The following GYG1 variants were observed in gnomAD, a reference collection of about 807,000 sequenced individuals.
The protein encoded by GYG1 is glycogenin-1.
In GYG1, 44 loss-of-function variants were observed where a neutral mutation model predicts 41.9. That is an observed-to-expected ratio of 1.05 (90% CI 0.83 to 1.35). The LOEUF (loss-of-function observed/expected upper bound fraction) is 1.35. Among genes scored for constraint, GYG1 ranks in the 40% most tolerant of loss-of-function variants. The pLI is 0.00. For missense variants in GYG1, 429 were observed against 418.9 expected, an observed-to-expected ratio of 1.02 and a Z score of -0.21; for synonymous variants, 141 against 158.1, an observed-to-expected ratio of 0.89 and a Z score of 0.81.
intron 5 of GYG1, among the ~76,000 whole-genome samples, chr3:149,020,579 C>T (rs994862388): frequency 4.6e-5 from 7 of 152,164 alleles, no homozygotes; most frequent in African/African-American, 1.2e-4. Context: ...CCAATGCCTG[C>T]GACATATGAA....
chr3:149,020,242 G>A (rs1714292723), intron 5 of GYG1, among the ~76,000 whole-genome samples: 1 of 152,180 alleles, frequency 6.6e-6, no homozygotes, highest in Admixed American at 6.5e-5. Flanking sequence ...ACTTTCTGTT[G>A]CTGGGACCTT....
intron 5 of GYG1, among the ~76,000 whole-genome samples, chr3:149,016,438 GGA>G (rs1714048916): frequency 6.6e-6 from 1 of 152,144 alleles, no homozygotes; most frequent in Admixed American, 6.5e-5. Context: ...GCTGCCTCCA[GGA>G]GAGTCTCCCT....
intron 5 of GYG1, among the ~76,000 whole-genome samples, chr3:149,013,049 T>A (rs1040786139): frequency 4.2e-5 from 6 of 143,924 alleles, no homozygotes; most frequent in Admixed American, 2.1e-4. Flanking sequence ...GAGACACGGT[T>A]TTGCCATGTT....
rs1712586368 is a variant in GYG1 at position 148,993,182 on chromosome 3, A to C, written c.8-960A>C. Reference sequence around the variant, plus strand: ...GAATTGTCCCAGGGAATGACTGGAGAAATCTTGAAGCCTGTGCTAGGGGTC... The same window carrying C: ...GAATTGTCCCAGGGAATGACTGGAGCAATCTTGAAGCCTGTGCTAGGGGTC... On this transcript the variant is annotated intron_variant, in intron 1 of 7. Transcript: ENST00000345003. Among the ~76,000 whole-genome samples, 4 of 151,930 alleles carry C rather than the reference A, an allele frequency of 2.6e-5. No individual in the cohort carries two copies. The South Asian group carries it at 8.3e-4, about 32-fold the overall frequency.
chr3:148,998,864 ACCT>A (rs1712949507), intron 4 of GYG1, among the ~76,000 whole-genome samples: 1 of 152,066 alleles, frequency 6.6e-6, no homozygotes, highest in African/African-American at 2.4e-5. Flanking sequence ...AGCTTTCTTC[ACCT>A]CCTCTCCTAA....
intron 2 of GYG1, among the ~76,000 whole-genome samples, chr3:148,994,621 A>G (rs149576527): frequency 4.6e-5 from 7 of 152,318 alleles, no homozygotes; most frequent in African/African-American, 1.7e-4. Flanking sequence ...CACAGTCACA[A>G]TTCATGGACA....
intron 4 of GYG1, chr3:149,001,388 GT>G (rs1038384181): frequency 6.6e-6 from 1 of 152,164 alleles, no homozygotes; most frequent in Non-Finnish European, 1.5e-5. Flanking sequence ...GCACACGTAA[GT>G]TTTTTTAAGA....
At chr3:149,004,983 G>C (rs1048887669) in intron 4 of GYG1, among the ~76,000 whole-genome samples, 1 of 152,160 alleles carries the variant, frequency 6.6e-6, no homozygotes, top group African/African-American at 2.4e-5. Flanking sequence ...GCTCATGCAG[G>C]TCGGATTTGG....
intron 5 of GYG1, among the ~76,000 whole-genome samples, chr3:149,010,489 G>A (rs1046631490): frequency 1.1e-4 from 17 of 152,038 alleles, no homozygotes; most frequent in African/African-American, 3.1e-4. Flanking sequence ...ACTACACACG[G>A]CTAATTTTTG....
At chr3:149,009,855 G>T (rs550924745) in intron 5 of GYG1, among the ~76,000 whole-genome samples, 9 of 152,310 alleles carry the variant, frequency 5.9e-5, no homozygotes, top group Admixed American at 4.6e-4. Flanking sequence ...GCAGCAGTGT[G>T]CTGCTGTGGC....
At chr3:149,019,068 T>TAAAAA (rs67695680) in intron 5 of GYG1, among the ~76,000 whole-genome samples, 2 of 119,094 alleles carry the variant, frequency 1.7e-5, no homozygotes, top group African/African-American at 3.2e-5. Flanking sequence ...GACACTGTCT[T>TAAAAA]AAAAAAAAAA....
chr3:149,025,336 G>C (rs778020476), intron 6 of GYG1, among the ~76,000 whole-genome samples: 3 of 152,092 alleles, frequency 2.0e-5, no homozygotes, highest in African/African-American at 7.2e-5. Context: ...TAGAGTTCAC[G>C]CTTCTATGAG....
Position 149,019,137 on chromosome 3 carries a change from A to G in GYG1, c.609-4916A>G, listed in dbSNP as rs540337959. On this transcript the variant is annotated intron_variant, in intron 5 of 7. Transcript: ENST00000345003. ...GCATCTAAAAGCATTTCCATTCCTT[A>G]CTGGACAGAAACAGGGCTGAGCATA... 4.0e-5 allele frequency among the ~76,000 whole-genome samples: 6 copies of G among 151,728 alleles called. No homozygotes were observed. In the South Asian group the frequency reaches 8.4e-4, roughly 21 times the overall value.
At chr3:149,013,414 A>G (rs1326666753) in intron 5 of GYG1, among the ~76,000 whole-genome samples, 2 of 152,184 alleles carry the variant, frequency 1.3e-5, no homozygotes, top group East Asian at 3.9e-4. Context: ...CTCATGCTAT[A>G]TAAAACACAC....
At chr3:149,002,355 T>C (rs887019427) in intron 4 of GYG1, among the ~76,000 whole-genome samples, 1 of 152,238 alleles carries the variant, frequency 6.6e-6, no homozygotes, top group African/African-American at 2.4e-5. Context: ...AGGACCTGCC[T>C]TAGACTGAGA....
rs375949564 is a variant in GYG1, at chr3:148,991,578, G to A, written c.-63G>A. The A allele has an allele frequency of 1.3e-6, 2 of 1,540,254 alleles. No individual in the cohort carries two copies. Among genetic ancestry groups the A allele is most frequent in the Non-Finnish European group, 1.7e-6 (2 of 1,150,610 alleles). On this transcript the variant is annotated 5_prime_UTR_variant, in exon 1 of 8. It adds an upstream start codon to the 5' untranslated region. Coordinates refer to ENST00000345003, the MANE Select transcript of GYG1 (RefSeq NM_004130.4). ...TCCTCGCTGGCCGCGCTCCCTCCCG[G>A]TGCCGGCTTCTCTGAGTCACCAACC...
At chr3:149,001,871 A>G (rs1048883087) in intron 4 of GYG1, among the ~76,000 whole-genome samples, 41 of 152,196 alleles carry the variant, frequency 2.7e-4, no homozygotes, top group African/African-American at 9.9e-4. Context: ...GGATGGAGGA[A>G]GATCCCTATT....
chr3:148,993,352 T>C (rs570816033), intron 1 of GYG1, among the ~76,000 whole-genome samples: 14 of 152,092 alleles, frequency 9.2e-5, no homozygotes, highest in East Asian at 5.8e-4. Context: ...ACCTGCACCT[T>C]CTTCTCCAAA....
chr3:149,019,390 TGCCC>T (rs1714251443), intron 5 of GYG1, among the ~76,000 whole-genome samples: 1 of 152,182 alleles, frequency 6.6e-6, no homozygotes, highest in Non-Finnish European at 1.5e-5. Flanking sequence ...TGTGCAGTAC[TGCCC>T]TCCACAGTCC....
Sources: gnomAD v4.1 joint callset for allele counts (sites outside exome capture counted in the v4.1 genomes callset) on GRCh38, gnomAD v4.1.1 for gene constraint, MANE v1.5 for transcripts, NCBI Gene and HGNC (gene_info 2026-07-23, HGNC 2026-07-21) for gene names.